Variants in ITPKB observed in about 807,000 individuals in gnomAD.
The protein encoded by ITPKB is IP3 3-kinase B.
A neutral mutation model predicts 69.4 loss-of-function variants in ITPKB; 13 were observed. That is an observed-to-expected ratio of 0.19 (90% CI 0.12 to 0.30). The LOEUF (loss-of-function observed/expected upper bound fraction) is 0.30. ITPKB is among the 10% of genes least tolerant of loss of function. ITPKB has a pLI of 1.00. For synonymous variants in ITPKB, 584 were observed against 513.7 expected (o/e 1.14, Z -1.85); for missense variants, 1,240 against 1,250.5 (o/e 0.99, Z 0.13).
intron 2 of ITPKB, among the ~76,000 whole-genome samples, chr1:226,730,594 A>T (rs1379376946): frequency 1.3e-5 from 2 of 152,204 alleles, no homozygotes; most frequent in African/African-American, 4.8e-5. Context: ...CGATCACAAC[A>T]TGCTTTAGAA....
intron 2 of ITPKB, among the ~76,000 whole-genome samples, chr1:226,725,708 A>G (rs767305763): frequency 3.9e-5 from 6 of 152,168 alleles, no homozygotes; most frequent in Non-Finnish European, 5.9e-5. Flanking sequence ...TGTCTGTTAC[A>G]TCTGCATGCC....
chr1:226,690,303 C>G (rs1184161991), intron 2 of ITPKB, among the ~76,000 whole-genome samples: 2 of 152,202 alleles, frequency 1.3e-5, no homozygotes, highest in African/African-American at 4.8e-5. Flanking sequence ...CACCGGGCAA[C>G]AGCTTTTGAC....
chr1:226,718,768 T>C (rs896016664), intron 2 of ITPKB, among the ~76,000 whole-genome samples: 2 of 152,190 alleles, frequency 1.3e-5, no homozygotes, highest in Admixed American at 6.5e-5. Flanking sequence ...TGCTGTGGGA[T>C]GTAAAATGGT....
rs746722872 is a variant in ITPKB at position 226,737,200 on chromosome 1, C to T, written c.259G>A (p.Gly87Ser). Residue 87 changes from glycine to serine, a missense_variant, in exon 2 of 8, where the codon GGC (glycine) becomes AGC (serine). Physicochemically the swap from Gly to Ser is moderately conservative, Grantham distance 56 (BLOSUM62 0). This residue lies in a region of ITPKB where 992 missense variants were observed against 853.8 expected (regional missense o/e 1.16). Coordinates refer to ENST00000429204, the MANE Select transcript of ITPKB (RefSeq NM_002221.4). ...CTGCCGCTGCTGCCGCTGCCACTGC[C>T]GCTGCTACTATTCAGCCTGCGCCGG... ...SGRRRLNSSS[G>S]SGSGSSGSSV... The T allele has an allele frequency of 6.3e-7, 1 of 1,586,258 alleles. No homozygotes were observed. Among genetic ancestry groups the T allele is most frequent in the East Asian group, 2.3e-5 (1 of 43,556 alleles).
intron 4 of ITPKB, among the ~76,000 whole-genome samples, chr1:226,645,071 T>A (rs915214526): frequency 6.6e-6 from 1 of 151,978 alleles, no homozygotes. Context: ...CCCTGATGAG[T>A]CACTGAACCT....
chr1:226,700,363 G>C (rs1656604305), intron 2 of ITPKB, among the ~76,000 whole-genome samples: 1 of 151,144 alleles, frequency 6.6e-6, no homozygotes. Context: ...CACCTACTCG[G>C]GAGGCTGAGA....
At chr1:226,711,409 G>GAC (rs201998903) in intron 2 of ITPKB, among the ~76,000 whole-genome samples, 111 of 70,040 alleles carry the variant, frequency 1.6e-3, no homozygotes, top group African/African-American at 5.6e-3. Context: ...TTTTGAAAGA[G>GAC]AGAGAGAGAG....
In ITPKB at chr1:226,737,519, T is replaced by C. The variant is rs1571885458; in HGVS notation, c.-61A>G. On this transcript the variant is annotated 5_prime_UTR_variant, in exon 2 of 8. Transcript: ENST00000429204. ...CCGCTCCTGCTCCGCCGCCGGCGCC[T>C]CCTCCTCCCGGCGCTCCCGGCTCAG... The C allele has an allele frequency of 1.4e-6, 2 of 1,421,578 alleles. No homozygotes were observed. The highest frequency in any genetic ancestry group is 1.8e-6 in the Non-Finnish European group (2 of 1,088,996). The allele number at this position is 1,421,578 out of a possible 1,614,324, so 88.1% of individuals were successfully genotyped here.
At chr1:226,675,423 T>C (rs1024103021) in intron 2 of ITPKB, among the ~76,000 whole-genome samples, 4 of 152,210 alleles carry the variant, frequency 2.6e-5, no homozygotes, top group African/African-American at 7.2e-5. Flanking sequence ...TACAGGTCCA[T>C]GTTTTTTCCA....
chr1:226,693,792 C>T (rs575117479), intron 2 of ITPKB, among the ~76,000 whole-genome samples: 1 of 152,306 alleles, frequency 6.6e-6, no homozygotes, highest in South Asian at 2.1e-4. Flanking sequence ...TGATTTGTAC[C>T]TTATTCCCCT....
At position 226,738,667 on chromosome 1, in the gene ITPKB, G is replaced by A. The variant is rs1053173178; in HGVS notation, c.-206+374C>T. Among the ~76,000 whole-genome samples the A allele has an allele frequency of 6.6e-6, 1 of 152,120 alleles. No individual in the cohort carries two copies. Among genetic ancestry groups the A allele is most frequent in the Non-Finnish European group, 1.5e-5 (1 of 67,984 alleles). ...GCCTCTAGCTCTGCAAACCTCCCAG[G>A]AGCCGGCGCTCTAACACCCCAGGGC... On this transcript the variant is annotated intron_variant, in intron 1 of 7. Transcript: ENST00000429204. This position sits in a 1 kb window ranked among gnomAD's most constrained non-coding sequence, Gnocchi z 4.2.
chr1:226,713,294 T>C (rs2102638750), intron 2 of ITPKB, among the ~76,000 whole-genome samples: 1 of 152,278 alleles, frequency 6.6e-6, no homozygotes, highest in East Asian at 1.9e-4. Flanking sequence ...CTCCCACATT[T>C]ACCCTGGCTT....
chr1:226,651,539 G>T (rs538459109), intron 2 of ITPKB, among the ~76,000 whole-genome samples: 2 of 152,256 alleles, frequency 1.3e-5, no homozygotes, highest in African/African-American at 4.8e-5. Flanking sequence ...GTGCTAGGTG[G>T]AGTTGCTGGC....
In ITPKB at chr1:226,642,683, A is replaced by G. The variant is rs568203350; in HGVS notation, c.2247-558T>C. On this transcript the variant is annotated intron_variant, in intron 4 of 7. Coordinates refer to ENST00000429204, the MANE Select transcript of ITPKB (RefSeq NM_002221.4). This position sits in a 1 kb window ranked among gnomAD's most constrained non-coding sequence, Gnocchi z 6.4. Reference sequence around the variant, plus strand: ...ATCCTGCTGCTACGGTGGAGCTAAGAGAGGGGACTGGGGGCAGGGTCTACT... The same window carrying G: ...ATCCTGCTGCTACGGTGGAGCTAAGGGAGGGGACTGGGGGCAGGGTCTACT... 6.6e-6 allele frequency among the ~76,000 whole-genome samples: 1 copy of G among 152,038 alleles called. No homozygotes were observed.
intron 2 of ITPKB, among the ~76,000 whole-genome samples, chr1:226,698,345 G>C (rs929097208): frequency 1.3e-5 from 2 of 152,200 alleles, no homozygotes; most frequent in Non-Finnish European, 2.9e-5. Flanking sequence ...AGAAGGGCAG[G>C]GCTAGGGATG....
chr1:226,638,993 G>C (rs951163161), intron 6 of ITPKB, among the ~76,000 whole-genome samples: 2 of 150,798 alleles, frequency 1.3e-5, no homozygotes, highest in Non-Finnish European at 2.9e-5. Context: ...TACTTTCCAA[G>C]CAGAAGCCTG....
intron 7 of ITPKB, among the ~76,000 whole-genome samples, chr1:226,636,230 G>A (rs1299401176): frequency 6.6e-6 from 1 of 152,220 alleles, no homozygotes; most frequent in Non-Finnish European, 1.5e-5. Context: ...GGCAGCTGGG[G>A]CAAAGGGGGC....
At chr1:226,664,941 T>C (rs1004362077) in intron 2 of ITPKB, among the ~76,000 whole-genome samples, 1 of 152,196 alleles carries the variant, frequency 6.6e-6, no homozygotes, top group Non-Finnish European at 1.5e-5. Context: ...CTTAACAGGA[T>C]AGCCAGCCAG....
chr1:226,722,225 G>A (rs1657265524), intron 2 of ITPKB, among the ~76,000 whole-genome samples: 1 of 152,192 alleles, frequency 6.6e-6, no homozygotes, highest in African/African-American at 2.4e-5. Context: ...TACATTCAGG[G>A]CACTCGCCCT....
Sources: gnomAD v4.1 joint callset for allele counts (sites outside exome capture counted in the v4.1 genomes callset) on GRCh38, gnomAD v4.1.1 for gene constraint, gnomAD v4.1.1 regional missense constraint, Gnocchi (gnomAD v3.1) non-coding constraint, MANE v1.5 for transcripts, NCBI Gene and HGNC (gene_info 2026-07-23, HGNC 2026-07-21) for gene names.